The following NTRK3 variants were observed in gnomAD, a reference collection of about 807,000 sequenced individuals.
NTRK3 encodes the protein NT-3 growth factor receptor.
In NTRK3, 24 loss-of-function variants were observed where a neutral mutation model predicts 91.7. The observed-to-expected ratio is 0.26, with a 90% CI of 0.19 to 0.37. The LOEUF is 0.37. NTRK3 is among the 10% of genes least tolerant of loss of function. NTRK3 has a pLI of 1.00. For missense variants in NTRK3, 880 were observed against 1,068.9 expected (o/e 0.82, Z 2.46); for synonymous variants, 483 against 404.0 (o/e 1.20, Z -2.34).
chr15:88,135,771 C>A (rs1293141474), intron 9 of NTRK3, 128 bp downstream of exon 9: 5 of 1,263,656 alleles, frequency 4.0e-6, no homozygotes, highest in Non-Finnish European at 5.6e-6. Flanking sequence ...CTACAAGAGT[C>A]CTTCTGTCCC....
intron 6 of NTRK3, among the ~76,000 whole-genome samples, chr15:88,145,469 T>A (rs781434181): frequency 6.6e-6 from 1 of 152,156 alleles, no homozygotes; most frequent in South Asian, 2.1e-4. Context: ...CATTCCTCCA[T>A]AAGTCACATC....
chr15:87,916,670 G>T (rs1278278163), intron 17 of NTRK3: 8 of 674,944 alleles, frequency 1.2e-5, no homozygotes, highest in Non-Finnish European at 2.1e-5. Context: ...TTTTTGGCAG[G>T]ATTAGGGGGC....
At chr15:88,127,907 G>T (rs944355922) in intron 11 of NTRK3, among the ~76,000 whole-genome samples, 1 of 152,140 alleles carries the variant, frequency 6.6e-6, no homozygotes, top group Non-Finnish European at 1.5e-5. Context: ...TCACCTCCTT[G>T]ACAAGAAATG....
intron 14 of NTRK3, among the ~76,000 whole-genome samples, chr15:87,945,745 G>A (rs1443227032): frequency 3.3e-5 from 5 of 150,240 alleles, no homozygotes; most frequent in African/African-American, 1.2e-4. Flanking sequence ...TGCGACCAGG[G>A]AGGAAGAGGG....
intron 13 of NTRK3, among the ~76,000 whole-genome samples, chr15:88,033,951 C>G (rs2078836787): frequency 6.6e-6 from 1 of 152,186 alleles, no homozygotes; most frequent in African/African-American, 2.4e-5. Flanking sequence ...CCCAGAGGTT[C>G]TGATTCCATT....
intron 17 of NTRK3, among the ~76,000 whole-genome samples, chr15:87,889,380 G>C (rs143691522): frequency 7.1e-6 from 1 of 141,472 alleles, no homozygotes; most frequent in Non-Finnish European, 1.5e-5. Flanking sequence ...AACCATGCTC[G>C]TTAGTTTATT....
In NTRK3 at chr15:88,089,303, T is replaced by A. The variant is rs994234838; in HGVS notation, c.1396+36968A>T. ...CAAAGTAATTTAATAACCAAGAGGC[T>A]TAAAAATGCATCTTATTTAACCCAA... On this transcript the variant is annotated intron_variant, in intron 13 of 18. Coordinates refer to ENST00000394480, the Ensembl canonical transcript of NTRK3. Among the ~76,000 whole-genome samples, 28 of 152,202 alleles carry A rather than the reference T, an allele frequency of 1.8e-4. 1 individual carries two copies. Among genetic ancestry groups the A allele is most frequent in the Admixed American group, 1.7e-3 (26 of 15,284 alleles).
At chr15:87,879,613 A>G (rs188438406) in intron 18 of NTRK3, among the ~76,000 whole-genome samples, 122 of 152,324 alleles carry the variant, frequency 8.0e-4, no homozygotes, top group African/African-American at 2.7e-3. Context: ...TAGAGCTAAC[A>G]TGCTTAGAAA....
intron 14 of NTRK3, among the ~76,000 whole-genome samples, chr15:88,020,246 C>G (rs1460383178): frequency 1.3e-5 from 2 of 152,136 alleles, no homozygotes; most frequent in African/African-American, 4.8e-5. Flanking sequence ...CGCCATGAAT[C>G]TCTCTGCCAC....
chr15:88,179,161 G>A (rs995007560), intron 5 of NTRK3, among the ~76,000 whole-genome samples: 1 of 152,158 alleles, frequency 6.6e-6, no homozygotes, highest in African/African-American at 2.4e-5. Context: ...CACAGTTCTT[G>A]GCACACAGGA....
chr15:88,134,655 G>A (rs1256821008), intron 10 of NTRK3, among the ~76,000 whole-genome samples: 1 of 152,200 alleles, frequency 6.6e-6, no homozygotes, highest in African/African-American at 2.4e-5. Context: ...ACCATCATCA[G>A]GTGTCAAACC....
At chr15:88,115,021 G>T (rs1351024219) in intron 13 of NTRK3, among the ~76,000 whole-genome samples, 2 of 152,144 alleles carry the variant, frequency 1.3e-5, no homozygotes, top group African/African-American at 4.8e-5. Flanking sequence ...CACAAATACA[G>T]ATAGCCATTT....
At chr15:88,029,865 G>A (rs2078372413) in intron 14 of NTRK3, among the ~76,000 whole-genome samples, 1 of 152,254 alleles carries the variant, frequency 6.6e-6, no homozygotes, top group African/African-American at 2.4e-5. Context: ...GAGACCTGCT[G>A]CTGGCTCAGC....
chr15:87,892,113 C>CACACACACACACACACAT (rs1555430907), intron 17 of NTRK3, among the ~76,000 whole-genome samples: 14 of 151,180 alleles, frequency 9.3e-5, no homozygotes, highest in African/African-American at 2.9e-4. Context: ...CACACACACA[C>CACACACACACACACACAT]GCACGCACAC....
chr15:88,208,887 A>ATCCC (rs1555553738), intron 3 of NTRK3, among the ~76,000 whole-genome samples: 2 of 3,476 alleles, frequency 5.8e-4, no homozygotes, highest in African/African-American at 1.2e-3. Context: ...TCCTTAGGGG[A>ATCCC]TCAAGTTAGA....
exon 19 of NTRK3, chr15:87,874,594 A>G: frequency 4.3e-6 from 1 of 233,114 alleles, no homozygotes; most frequent in Non-Finnish European, 8.5e-6. Context: ...CCAAGAAGAC[A>G]GAAGCCACAC....
chr15:87,981,463 G>A, intron 14 of NTRK3: 1 of 1,533,638 alleles, frequency 6.5e-7, no homozygotes, highest in Non-Finnish European at 9.0e-7. Context: ...GCCAGAAACA[G>A]AAATCCAGGT....
At chr15:88,063,579 C>T (rs574439488) in intron 13 of NTRK3, among the ~76,000 whole-genome samples, 2 of 152,306 alleles carry the variant, frequency 1.3e-5, no homozygotes, top group African/African-American at 4.8e-5. Context: ...ACCTCATGAC[C>T]CGCCTGCCTT....
At chr15:88,157,914 G>A (rs2151407875) in intron 5 of NTRK3, among the ~76,000 whole-genome samples, 1 of 152,294 alleles carries the variant, frequency 6.6e-6, no homozygotes, top group Middle Eastern at 3.4e-3. Flanking sequence ...AACCAGGGCA[G>A]CTGAGGGATC....
Sources: gnomAD v4.1 joint callset for allele counts (sites outside exome capture counted in the v4.1 genomes callset) on GRCh38, gnomAD v4.1.1 for gene constraint, MANE v1.5 for transcripts, NCBI Gene and HGNC (gene_info 2026-07-23, HGNC 2026-07-21) for gene names.